EML1: variants seen among roughly 807,000 people sequenced by gnomAD.
EML1 encodes echinoderm microtubule-associated protein-like 1.
In EML1, 27 loss-of-function variants were observed where a neutral mutation model predicts 110.4. The observed-to-expected ratio is 0.24, with a 90% confidence interval of 0.18 to 0.34. The LOEUF is 0.34. Among genes scored for constraint, EML1 ranks in the 10% least tolerant of loss-of-function variants. The probability of loss-of-function intolerance (pLI) is 1.00; values close to 1 mark genes in which losing one functional copy is unlikely to be tolerated. For missense variants in EML1, 741 were observed against 1,030.9 expected, an observed-to-expected ratio of 0.72 and a Z score of 3.85; for synonymous variants, 344 against 385.8, an observed-to-expected ratio of 0.89 and a Z score of 1.27.
At chr14:99,789,095 A>T (rs1012342832), upstream of EML1, among the ~76,000 whole-genome samples, 1 of 152,148 alleles carries the variant, frequency 6.6e-6, no homozygotes, top group Non-Finnish European at 1.5e-5. Context: ...CCCCTCGGCT[A>T]TTGTGAATAA....
upstream of EML1, among the ~76,000 whole-genome samples, chr14:99,771,458 G>A (rs2057427619): frequency 1.3e-5 from 2 of 152,166 alleles, no homozygotes; most frequent in South Asian, 2.1e-4. Flanking sequence ...AACCACATTT[G>A]CCTAATCATT....
rs1200887167 is a variant in EML1 at position 99,911,403 on chromosome 14, G to A, written c.1340-19G>A. 10 of 1,565,258 alleles carry A rather than the reference G, an allele frequency of 6.4e-6. No homozygotes were observed. The highest frequency in any genetic ancestry group is 3.4e-4 in the Middle Eastern group (2 of 5,948). On this transcript the variant is annotated intron_variant, in intron 12 of 21. Coordinates refer to ENST00000262233, the MANE Select transcript of EML1 (RefSeq NM_004434.3). ...ACCTTTTGACAATGTGCTAATGATGGTTTTCTTGGTGTGTTTAGGTACAAA... is the reference window on the plus strand; with the variant it reads ...ACCTTTTGACAATGTGCTAATGATGATTTTCTTGGTGTGTTTAGGTACAAA...
intron 5 of EML1, among the ~76,000 whole-genome samples, chr14:99,891,839 A>G (rs1393715199): frequency 6.6e-6 from 1 of 152,250 alleles, no homozygotes; most frequent in Non-Finnish European, 1.5e-5. Context: ...ATTTAATTTT[A>G]ATTGTTCTAG....
At chr14:99,909,246 TTTC>T (rs1288805897) in intron 10 of EML1, 96 bp from the exon 11 acceptor site, 14 of 1,568,470 alleles carry the variant, frequency 8.9e-6, no homozygotes, top group Non-Finnish European at 1.2e-5. Flanking sequence ...TTGCCTTGAA[TTTC>T]TTATTTATTT....
intron 1 of EML1, among the ~76,000 whole-genome samples, chr14:99,782,789 A>T (rs1420045956): frequency 6.6e-6 from 1 of 152,104 alleles, no homozygotes; most frequent in East Asian, 1.9e-4. Flanking sequence ...GAAGGAGATG[A>T]TGGGAGGGGA....
chr14:99,835,854 G>A (rs143613550), intron 1 of EML1, among the ~76,000 whole-genome samples: 1 of 152,270 alleles, frequency 6.6e-6, no homozygotes, highest in Admixed American at 6.5e-5. Flanking sequence ...GACTGTATTT[G>A]TGTGGGTCTA....
intron 1 of EML1, among the ~76,000 whole-genome samples, chr14:99,752,511 T>C (rs941302136): frequency 7.2e-5 from 11 of 152,160 alleles, no homozygotes; most frequent in Admixed American, 7.2e-4. Context: ...CCCCAGCACC[T>C]CCAGGCCAGC....
chr14:99,794,907 TTAAA>T (rs1342477614), intron 1 of EML1, among the ~76,000 whole-genome samples: 8 of 152,228 alleles, frequency 5.3e-5, no homozygotes, highest in Admixed American at 5.2e-4. Context: ...CTCCAGTAGG[TTAAA>T]TAGATTCCTC....
intron 1 of EML1, among the ~76,000 whole-genome samples, chr14:99,751,238 T>C (rs1381527816): frequency 6.6e-6 from 1 of 151,734 alleles, no homozygotes; most frequent in Non-Finnish European, 1.5e-5. Flanking sequence ...CCGTGTGCCA[T>C]GTACTGTGAC....
chr14:99,822,567 T>G (rs1459889443), intron 1 of EML1, among the ~76,000 whole-genome samples: 1 of 152,150 alleles, frequency 6.6e-6, no homozygotes, highest in Non-Finnish European at 1.5e-5. Context: ...CTTCCTTTGA[T>G]TTATCTTTTT....
At chr14:99,927,854 GGTGGT>G (rs2060270281) in intron 17 of EML1, among the ~76,000 whole-genome samples, 1 of 74,286 alleles carries the variant, frequency 1.3e-5, no homozygotes, top group Non-Finnish European at 2.7e-5. Flanking sequence ...TGATGGTGGT[GGTGGT>G]AGTGGTAGTA....
chr14:99,912,363 C>T (rs940623300), intron 13 of EML1, among the ~76,000 whole-genome samples: 4 of 152,046 alleles, frequency 2.6e-5, no homozygotes, highest in East Asian at 1.9e-4. Context: ...CCCTGCATTC[C>T]GGTAGGCACC....
chr14:99,812,394 C>G (rs1182636270), intron 1 of EML1, among the ~76,000 whole-genome samples: 1 of 151,828 alleles, frequency 6.6e-6, no homozygotes, highest in Non-Finnish European at 1.5e-5. Context: ...ATTTTCTAAC[C>G]TAACTCTAAA....
At chr14:99,829,019 T>C (rs1239292490) in intron 1 of EML1, among the ~76,000 whole-genome samples, 1 of 152,086 alleles carries the variant, frequency 6.6e-6, no homozygotes, top group Non-Finnish European at 1.5e-5. Context: ...CAAACCAGTG[T>C]TGTTCAACTG....
intron 1 of EML1, among the ~76,000 whole-genome samples, chr14:99,841,643 G>A (rs1452345491): frequency 1.3e-5 from 2 of 152,186 alleles, no homozygotes; most frequent in Admixed American, 6.5e-5. Flanking sequence ...GGAACGTGTA[G>A]CCCTGAGAAG....
intron 1 of EML1, among the ~76,000 whole-genome samples, chr14:99,739,798 G>A (rs976653938): frequency 1.3e-5 from 2 of 152,122 alleles, no homozygotes; most frequent in Non-Finnish European, 2.9e-5. Flanking sequence ...ATTCCTGCCC[G>A]GCAGCAACCA....
At chr14:99,895,387 A>G (rs897517968) in intron 6 of EML1, among the ~76,000 whole-genome samples, 3 of 152,174 alleles carry the variant, frequency 2.0e-5, no homozygotes, top group Non-Finnish European at 4.4e-5. Flanking sequence ...ATTATTTTTA[A>G]CAGGAGCTAT....
intron 19 of EML1, 94 bp from the exon 20 acceptor site, chr14:99,937,723 G>A: frequency 8.8e-7 from 1 of 1,141,126 alleles, no homozygotes; most frequent in Non-Finnish European, 1.3e-6. Flanking sequence ...GAAGGGCTCT[G>A]TACCCAACGG....
At chr14:99,750,532 CT>C (rs1417109163) in intron 1 of EML1, among the ~76,000 whole-genome samples, 1 of 152,216 alleles carries the variant, frequency 6.6e-6, no homozygotes, top group South Asian at 2.1e-4. Flanking sequence ...CTCTCTGGGC[CT>C]TTGTATCCTT....
Sources: allele counts gnomAD v4.1 joint callset (sites outside exome capture counted in the v4.1 genomes callset), GRCh38; gene constraint gnomAD v4.1.1; transcripts MANE v1.5; gene names NCBI Gene and HGNC (gene_info 2026-07-23, HGNC 2026-07-21).